SNX25: variants seen among roughly 807,000 people sequenced by gnomAD.
SNX25 encodes the protein sorting nexin-25.
Under a neutral mutation model 113.7 loss-of-function variants are expected in SNX25, and 62 were observed. That is an observed-to-expected ratio of 0.55 (90% CI 0.44 to 0.67). The LOEUF (loss-of-function observed/expected upper bound fraction) is 0.67, where lower values mean the gene tolerates loss of function less well. Ranked by LOEUF, SNX25 falls within the 30% of genes least tolerant of loss-of-function variation. The pLI, the probability that SNX25 is intolerant of heterozygous loss-of-function variation, is 0.00. For missense variants in SNX25, 1,014 were observed against 1,161.0 expected, an observed-to-expected ratio of 0.87 and a Z score of 1.84; for synonymous variants, 421 against 436.2, an observed-to-expected ratio of 0.97 and a Z score of 0.43.
At chr4:185,299,724 T>C (rs1473998595) in intron 6 of SNX25, among the ~76,000 whole-genome samples, 1 of 152,226 alleles carries the variant, frequency 6.6e-6, no homozygotes, top group African/African-American at 2.4e-5. Flanking sequence ...CTAGTAGCTA[T>C]GGGACATAAA....
At chr4:185,369,224 G>C (rs1277896097) in intron 11 of SNX25, among the ~76,000 whole-genome samples, 3 of 141,700 alleles carry the variant, frequency 2.1e-5, no homozygotes, top group African/African-American at 8.0e-5. Flanking sequence ...GTAATACAGA[G>C]AGCTTTTTTT....
In SNX25 at chr4:185,224,453, AT is replaced by A. The variant is rs1325914624; in HGVS notation, c.429+14199del. ...AAAATATATAGATATATAAATATATATATAGATATATAAATATATAAATATA... is the reference window on the plus strand; with the variant it reads ...AAAATATATAGATATATAAATATATAATAGATATATAAATATATAAATATA... On this transcript the variant is annotated intron_variant, in intron 1 of 18. Transcript: ENST00000652585. Among the ~76,000 whole-genome samples the A allele has an allele frequency of 2.8e-3, 72 of 25,884 alleles. 1 individual carries two copies. The highest frequency in any genetic ancestry group is 9.7e-3 in the South Asian group (6 of 616). 17.0% of individuals were successfully genotyped at this position (25,884 alleles called of 152,430 possible).
At chr4:185,375,411 G>A in the SNX25 span, among the ~76,000 whole-genome samples, 5 of 124,516 alleles carry the variant, frequency 4.0e-5, no homozygotes, top group Admixed American at 2.7e-4. Flanking sequence ...AGCCGAGGTC[G>A]CGCCATTGCA....
At chr4:185,274,883 A>C (rs1435178498) in intron 5 of SNX25, among the ~76,000 whole-genome samples, 2 of 152,278 alleles carry the variant, frequency 1.3e-5, no homozygotes, top group Admixed American at 1.3e-4. Flanking sequence ...CAGAGCTGGG[A>C]TTTGAACTGA....
chr4:185,353,456 T>G (rs1157865274), intron 14 of SNX25, 29 bp from the exon 15 acceptor site: 2 of 1,555,830 alleles, frequency 1.3e-6, no homozygotes, highest in Non-Finnish European at 1.8e-6. Context: ...ATAAGTTATC[T>G]GCTTCCTATG....
chr4:185,243,768 A>G (rs1560928167), intron 1 of SNX25, among the ~76,000 whole-genome samples: 1 of 152,226 alleles, frequency 6.6e-6, no homozygotes, highest in Non-Finnish European at 1.5e-5. Flanking sequence ...TGTTACATGT[A>G]AGTATGAAGT....
At chr4:185,316,287 C>T (rs1168813490) in intron 7 of SNX25, among the ~76,000 whole-genome samples, 10 of 152,222 alleles carry the variant, frequency 6.6e-5, no homozygotes, top group Middle Eastern at 3.4e-3. Context: ...AACAAGTCTC[C>T]GAACAACCTG....
At chr4:185,337,681 C>T (rs2095238748) in intron 10 of SNX25, among the ~76,000 whole-genome samples, 1 of 152,192 alleles carries the variant, frequency 6.6e-6, no homozygotes, top group African/African-American at 2.4e-5. Context: ...AAACTCTCTA[C>T]CACAACATCT....
At chr4:185,295,864 G>C (rs1208053339) in intron 6 of SNX25, 3 of 152,176 alleles carry the variant, frequency 2.0e-5, no homozygotes, top group Admixed American at 6.6e-5. Context: ...GAAATTACCT[G>C]ATTGTTAACT....
rs1480297776 is a variant in SNX25 at position 185,232,398 on chromosome 4, C to G, written c.430-14896C>G. 2.6e-5 allele frequency among the ~76,000 whole-genome samples: 4 copies of G among 152,090 alleles called. No homozygotes were observed. Among genetic ancestry groups the G allele is most frequent in the African/African-American group, 9.7e-5 (4 of 41,396 alleles). On this transcript the variant is annotated intron_variant, in intron 1 of 18. Transcript: ENST00000652585. This position sits in a 1 kb window ranked among gnomAD's most constrained non-coding sequence, Gnocchi z 4.4. ...CTTAAGTTTCAATTTCCCAATAATGCAATTTTCTTCCCTTTTATGGGCCGA... is the reference window on the plus strand; with the variant it reads ...CTTAAGTTTCAATTTCCCAATAATGGAATTTTCTTCCCTTTTATGGGCCGA...
In SNX25 at chr4:185,222,100, C is replaced by T. The variant is rs571231809; in HGVS notation, c.429+11845C>T. On this transcript the variant is annotated intron_variant, in intron 1 of 18. Transcript: ENST00000652585. ...TATAGCGCCATATACCCCTCCTTCA[C>T]GGTAGATATATAGCAGATATATAGC... Among the ~76,000 whole-genome samples the T allele has an allele frequency of 3.9e-3, 77 of 19,808 alleles. 2 individuals carry two copies. Among genetic ancestry groups the T allele is most frequent in the African/African-American group, 9.9e-3 (70 of 7,094 alleles). The allele number at this position is 19,808 out of a possible 152,430, so 13.0% of individuals were successfully genotyped here.
chr4:185,254,613 C>T (rs1196084994), intron 2 of SNX25, among the ~76,000 whole-genome samples: 2 of 152,196 alleles, frequency 1.3e-5, no homozygotes, highest in African/African-American at 4.8e-5. Context: ...TCTAGACTAA[C>T]GCGGGAGCCT....
At chr4:185,266,153 G>A (rs2126545305) in intron 4 of SNX25, among the ~76,000 whole-genome samples, 1 of 152,202 alleles carries the variant, frequency 6.6e-6, no homozygotes, top group Admixed American at 6.5e-5. Context: ...ACCAACCACA[G>A]AGAAGAGAGG....
In SNX25 at chr4:185,310,642, A is replaced by T; in HGVS notation, c.1170A>T (p.Glu390Asp). 2 of 1,612,978 alleles carry T rather than the reference A, an allele frequency of 1.2e-6. No individual in the cohort carries two copies. Among genetic ancestry groups the T allele is most frequent in the African/African-American group, 2.7e-5 (2 of 75,008 alleles). The change falls in exon 7 of 19, where the codon GAA (glutamate) becomes GAT (aspartate). Residue 390 changes from glutamate (E) to aspartate (D), a missense_variant. Glu to Asp is a conservative substitution (Grantham distance 45, BLOSUM62 2). Coordinates refer to ENST00000652585, the MANE Select transcript of SNX25 (RefSeq NM_001378034.2). ...FPQLKRHKGK[E>D]TAAMKADLLR... ...TTCTCACTCCTATTCAAGGTAAAGA[A>T]ACTGCGGCAATGAAAGCTGATCTCC...
Position 185,334,303 on chromosome 4 carries a change from C to T in SNX25, c.1914+1544C>T, listed in dbSNP as rs766736763. ...CGTGAGCCAAGATCATGCCACTGCACTTCCAGCCTGGGTGACACAGCAAGA... is the reference window on the plus strand; with the variant it reads ...CGTGAGCCAAGATCATGCCACTGCATTTCCAGCCTGGGTGACACAGCAAGA... On this transcript the variant is annotated intron_variant, in intron 10 of 18. Transcript: ENST00000652585. The surrounding 1 kb of genome is among the most constrained non-coding windows in gnomAD (Gnocchi z 4.2). 4.1e-4 allele frequency among the ~76,000 whole-genome samples: 63 copies of T among 152,104 alleles called. No individual in the cohort carries two copies. The highest frequency in any genetic ancestry group is 1.2e-4 in the Non-Finnish European group (8 of 68,018).
chr4:185,320,697 G>T (rs369132610), intron 7 of SNX25, 36 bp from the exon 8 acceptor site: 7 of 1,380,708 alleles, frequency 5.1e-6, no homozygotes, highest in South Asian at 4.0e-5. Context: ...TTTAAAATTC[G>T]ATTTTAAAAA....
At chr4:185,342,692 T>A (rs1001509754) in intron 12 of SNX25, among the ~76,000 whole-genome samples, 33 of 148,092 alleles carry the variant, frequency 2.2e-4, no homozygotes, top group African/African-American at 7.8e-4. Flanking sequence ...TAAGGCGCGG[T>A]GCTTGGAGGA....
upstream of SNX25, among the ~76,000 whole-genome samples, chr4:185,205,472 A>G (rs1737147846): frequency 6.6e-6 from 1 of 151,658 alleles, no homozygotes; most frequent in African/African-American, 2.4e-5. Flanking sequence ...AAAAAGCAAG[A>G]ATTTCACTTT....
intron 8 of SNX25, among the ~76,000 whole-genome samples, chr4:185,322,726 A>C (rs1218630949): frequency 6.6e-6 from 1 of 152,206 alleles, no homozygotes; most frequent in East Asian, 1.9e-4. Flanking sequence ...CAATCTAAAA[A>C]GGTTTTCCTA....
Sources: gnomAD v4.1 joint callset for allele counts (sites outside exome capture counted in the v4.1 genomes callset) on GRCh38, gnomAD v4.1.1 for gene constraint, Gnocchi (gnomAD v3.1) non-coding constraint, MANE v1.5 for transcripts, NCBI Gene and HGNC (gene_info 2026-07-23, HGNC 2026-07-21) for gene names.